The following IGFBP2 variants were observed in gnomAD, a reference collection of about 807,000 sequenced individuals.
IGFBP2 encodes insulin like growth factor binding protein 2, also known as insulin-like growth factor-binding protein 2.
IGFBP2 carries 12 observed loss-of-function variants against 26.2 expected under a neutral mutation model. That is an observed-to-expected ratio of 0.46 (90% CI 0.29 to 0.74). IGFBP2 has a LOEUF of 0.74. IGFBP2 is among the 30% of genes least tolerant of loss of function. The pLI is 0.09. For synonymous variants in IGFBP2, 189 were observed against 200.6 expected, an observed-to-expected ratio of 0.94 and a Z score of 0.49; for missense variants, 328 against 441.2, an observed-to-expected ratio of 0.74 and a Z score of 2.30.
rs774530307 is a variant in IGFBP2 at position 216,664,081 on chromosome 2, G to C, written c.955G>C (p.Val319Leu). Residue 319 changes from valine to leucine, a missense_variant, in exon 4 of 4, where the codon GTG becomes CTG. Transcript: ENST00000233809. This position sits in a 1 kb window ranked among gnomAD's most constrained non-coding sequence, Gnocchi z 4.6. ...FYNEQQEARG[V>L]HTQRMQ ...CAATGAGCAGCAGGAGGCTCGCGGG[G>C]TGCACACCCAGCGGATGCAGTAGAC... The C allele has an allele frequency of 1.2e-6, 2 of 1,611,268 alleles. No homozygotes were observed. Among genetic ancestry groups the C allele is most frequent in the Non-Finnish European group, 1.7e-6 (2 of 1,179,054 alleles).
chr2:216,635,082 C>G (rs1488585523), intron 1 of IGFBP2, among the ~76,000 whole-genome samples: 3 of 151,980 alleles, frequency 2.0e-5, no homozygotes, highest in Non-Finnish European at 4.4e-5. Context: ...TGCTTTTTAG[C>G]TTCTGAGGTC....
chr2:216,633,592 G>GCTGCTA lies in IGFBP2; in HGVS notation c.71_72insGCTACT (p.Leu24_Leu25dup). 3.9e-6 allele frequency: 4 copies of GCTGCTA among 1,016,690 alleles called. No individual in the cohort carries two copies. The highest frequency in any genetic ancestry group is 4.7e-6 in the Non-Finnish European group (4 of 854,340). The allele number at this position is 1,016,690 out of a possible 1,614,324, so 63.0% of individuals were successfully genotyped here. Reference sequence around the variant, plus strand: ...CGCCGCTGCTGCCGCTGCTGCTGCTGCTACTGGGCGCGAGTGGCGGCGGCG... The same window carrying GCTGCTA: ...CGCCGCTGCTGCCGCTGCTGCTGCTGCTGCTACTACTGGGCGCGAGTGGCGGCGGCG... On this transcript the variant is annotated inframe_insertion, in exon 1 of 4. Transcript: ENST00000233809.
intron 1 of IGFBP2, among the ~76,000 whole-genome samples, chr2:216,652,804 C>T (rs918515591): frequency 1.2e-4 from 18 of 152,188 alleles, no homozygotes; most frequent in African/African-American, 4.1e-4. Context: ...CAGGAAGCTG[C>T]GGCCAGCCTT....
In IGFBP2 at chr2:216,664,203, C is replaced by A; in HGVS notation, c.*99C>A. 3 of 970,046 alleles carry A rather than the reference C, an allele frequency of 3.1e-6. No individual in the cohort carries two copies. Among genetic ancestry groups the A allele is most frequent in the Non-Finnish European group, 4.4e-6 (3 of 681,876 alleles). 60.1% of individuals were successfully genotyped at this position (970,046 alleles called of 1,614,324 possible). A position where few individuals can be genotyped will look rare whatever the true frequency, so the allele number is the denominator to read the frequency against. ...TGGGTGGTGGGTGCTGGAGGATTTT[C>A]CAGTTCTGACACACGTATTTATATT... is the stretch of plus-strand genomic sequence containing the variant. On this transcript the variant is annotated 3_prime_UTR_variant, in exon 4 of 4. Transcript: ENST00000233809. This position sits in a 1 kb window ranked among gnomAD's most constrained non-coding sequence, Gnocchi z 4.6.
chr2:216,633,932 G>A lies in IGFBP2; in HGVS notation c.409G>A (p.Ala137Thr). 6.2e-7 allele frequency: 1 copy of A among 1,603,082 alleles called. No homozygotes were observed. Among genetic ancestry groups the A allele is most frequent in the East Asian group, 2.2e-5 (1 of 44,482 alleles). ...GGGCACTTGTGAGAAGCGCCGGGAC[G>A]CCGAGTATGGCGCCAGCCCGGAGCA... ...GEGTCEKRRD[A>T]EYGASPEQVA... The change falls in exon 1 of 4, where the codon GCC becomes ACC. Residue 137 changes from alanine to threonine, a missense_variant. Transcript: ENST00000233809.
chr2:216,639,941 C>T (rs1574554652), intron 1 of IGFBP2, among the ~76,000 whole-genome samples: 1 of 152,136 alleles, frequency 6.6e-6, no homozygotes, highest in Non-Finnish European at 1.5e-5. Flanking sequence ...CTGCACCTGG[C>T]CTATTTTAAT....
intron 1 of IGFBP2, among the ~76,000 whole-genome samples, chr2:216,638,473 C>G (rs1697545653): frequency 6.6e-6 from 1 of 151,770 alleles, no homozygotes; most frequent in Non-Finnish European, 1.5e-5. Flanking sequence ...CCACTCCACT[C>G]CAGCCTGGGC....
intron 1 of IGFBP2, among the ~76,000 whole-genome samples, chr2:216,657,276 G>T (rs1272774544): frequency 1.3e-5 from 2 of 152,164 alleles, no homozygotes; most frequent in Non-Finnish European, 2.9e-5. Context: ...GCGGAGGCAG[G>T]GAGGCTGGGG....
At chr2:216,654,195 G>C (rs910549968) in intron 1 of IGFBP2, among the ~76,000 whole-genome samples, 21 of 152,264 alleles carry the variant, frequency 1.4e-4, no homozygotes, top group African/African-American at 4.6e-4. Context: ...GGATATATGG[G>C]AAGAACTTGG....
Position 216,642,697 on chromosome 2 carries a change from C to T in IGFBP2, c.442+8732C>T, listed in dbSNP as rs563021500. Among the ~76,000 whole-genome samples, 172 of 152,314 alleles carry T rather than the reference C, an allele frequency of 1.1e-3. 1 individual carries two copies. Among genetic ancestry groups the T allele is most frequent in the African/African-American group, 3.8e-3 (157 of 41,564 alleles). ...CTGACTGTTTTTGGTATGGGAGCTT[C>T]TGTCTGCAGTGTCTAGAATGGGGGT... is the stretch of plus-strand genomic sequence containing the variant. On this transcript the variant is annotated intron_variant, in intron 1 of 3. Coordinates refer to ENST00000233809, the MANE Select transcript of IGFBP2 (RefSeq NM_000597.3).
At chr2:216,646,536 G>A (rs1381372258) in intron 1 of IGFBP2, among the ~76,000 whole-genome samples, 1 of 152,220 alleles carries the variant, frequency 6.6e-6, no homozygotes, top group Non-Finnish European at 1.5e-5. Flanking sequence ...CTTTGATAGT[G>A]TATTAGTCTG....
At position 216,633,486 on chromosome 2, in the gene IGFBP2, G is replaced by C; in HGVS notation, c.-38G>C. ...GTGCCACCTGCCCGCCCGCCCGCTC[G>C]CTCGCTCGCCCGCCGCGCCGCGCTG... On this transcript the variant is annotated 5_prime_UTR_variant, in exon 1 of 4. Transcript: ENST00000233809. 2 of 557,882 alleles carry C rather than the reference G, an allele frequency of 3.6e-6. No individual in the cohort carries two copies. The highest frequency in any genetic ancestry group is 4.6e-6 in the Non-Finnish European group (2 of 436,634). The allele number at this position is 557,882 out of a possible 1,614,324, so 34.6% of individuals were successfully genotyped here.
intron 1 of IGFBP2, among the ~76,000 whole-genome samples, chr2:216,642,441 G>A (rs954744349): frequency 1.3e-5 from 2 of 150,780 alleles, no homozygotes; most frequent in Admixed American, 1.3e-4. Context: ...CCAGCAGCTG[G>A]GACTACAGGC....
intron 1 of IGFBP2, among the ~76,000 whole-genome samples, chr2:216,644,312 C>T (rs1697669618): frequency 6.6e-6 from 1 of 152,100 alleles, no homozygotes; most frequent in Non-Finnish European, 1.5e-5. Flanking sequence ...TGGCAAACAC[C>T]CAGCTGCTGG....
chr2:216,661,827 TCCGGGCGTCC>T (rs759878199), intron 2 of IGFBP2, 21 bp from the exon 3 acceptor site: 1 of 1,613,628 alleles, frequency 6.2e-7, no homozygotes, highest in Admixed American at 1.7e-5. Context: ...CTGTCCTCAC[TCCGGGCGTCC>T]CCTGCTGTCT....
intron 1 of IGFBP2, among the ~76,000 whole-genome samples, chr2:216,658,608 G>A (rs1697964188): frequency 6.6e-6 from 1 of 151,936 alleles, no homozygotes; most frequent in South Asian, 2.1e-4. Context: ...GGAGTACAAT[G>A]GTGCGATCTC....
intron 1 of IGFBP2, among the ~76,000 whole-genome samples, chr2:216,643,313 C>G (rs1697651486): frequency 6.6e-6 from 1 of 152,180 alleles, no homozygotes; most frequent in Admixed American, 6.5e-5. Flanking sequence ...GGGGGAGTGT[C>G]TTCTGAGTAC....
intron 1 of IGFBP2, among the ~76,000 whole-genome samples, chr2:216,639,866 C>T (rs1697577902): frequency 6.6e-6 from 1 of 152,096 alleles, no homozygotes; most frequent in Admixed American, 6.5e-5. Flanking sequence ...TGGTCTCGAA[C>T]TCTGGACCTC....
Position 216,633,450 on chromosome 2 carries a change from C to G in IGFBP2, c.-74C>G. 1 of 277,102 alleles carries G rather than the reference C, an allele frequency of 3.6e-6. No individual in the cohort carries two copies. The highest frequency in any genetic ancestry group is 5.5e-6 in the Non-Finnish European group (1 of 180,346). The allele number at this position is 277,102 out of a possible 1,614,324, so 17.2% of individuals were successfully genotyped here. A position where few individuals can be genotyped will look rare whatever the true frequency, so the allele number is the denominator to read the frequency against. ...AGAAGCGGAGGAGGCGGCTCCCGCGCTCGCAGGGCCGTGCCACCTGCCCGC... is the reference window on the plus strand; with the variant it reads ...AGAAGCGGAGGAGGCGGCTCCCGCGGTCGCAGGGCCGTGCCACCTGCCCGC... On this transcript the variant is annotated 5_prime_UTR_variant, in exon 1 of 4. Coordinates refer to ENST00000233809, the MANE Select transcript of IGFBP2 (RefSeq NM_000597.3).
Sources: allele counts gnomAD v4.1 joint callset (sites outside exome capture counted in the v4.1 genomes callset), GRCh38; gene constraint gnomAD v4.1.1; non-coding constraint Gnocchi (gnomAD v3.1); transcripts MANE v1.5; gene names NCBI Gene and HGNC (gene_info 2026-07-23, HGNC 2026-07-21).